The following GRIK1 variants were observed in gnomAD, a reference collection of about 807,000 sequenced individuals.
GRIK1 encodes the protein glutamate receptor ionotropic, kainate 1.
Under a neutral mutation model 105.7 loss-of-function variants are expected in GRIK1, and 69 were observed. The observed-to-expected ratio is 0.65, with a 90% CI of 0.54 to 0.80. GRIK1 has a LOEUF of 0.80. GRIK1 is among the 30% of genes least tolerant of loss of function. The pLI, the probability that GRIK1 is intolerant of heterozygous loss-of-function variation, is 0.00. For synonymous variants in GRIK1, 438 were observed against 431.3 expected, an observed-to-expected ratio of 1.02 and a Z score of -0.19; for missense variants, 1,109 against 1,167.3, an observed-to-expected ratio of 0.95 and a Z score of 0.73.
intron 4 of GRIK1, among the ~76,000 whole-genome samples, chr21:29,664,089 C>T (rs141700261): frequency 1.7e-3 from 253 of 152,154 alleles, no homozygotes; most frequent in African/African-American, 5.6e-3. Flanking sequence ...TTTCTAGTTA[C>T]CAAGAAAGGG....
intron 3 of GRIK1, among the ~76,000 whole-genome samples, chr21:29,682,933 CAAAA>C (rs147274210): frequency 6.6e-6 from 1 of 150,742 alleles, no homozygotes; most frequent in Non-Finnish European, 1.5e-5. Context: ...CATCAACAAA[CAAAA>C]AAAAACCAAA....
chr21:29,880,119 C>G (rs1039985867), intron 1 of GRIK1, among the ~76,000 whole-genome samples: 2 of 152,206 alleles, frequency 1.3e-5, no homozygotes, highest in South Asian at 2.1e-4. Flanking sequence ...AAACATAGCA[C>G]TAATTCACCT....
chr21:29,843,390 C>A (rs537225640), intron 1 of GRIK1, among the ~76,000 whole-genome samples: 6 of 152,176 alleles, frequency 3.9e-5, no homozygotes, highest in African/African-American at 1.4e-4. Flanking sequence ...GTAATTTTCT[C>A]AAAAAGTAGA....
intron 1 of GRIK1, among the ~76,000 whole-genome samples, chr21:29,883,499 T>A (rs1438226973): frequency 6.6e-6 from 1 of 151,950 alleles, no homozygotes; most frequent in Admixed American, 6.6e-5. Context: ...GCCTCTGAGG[T>A]CCCCTGTTTG....
At chr21:29,720,008 A>T (rs2064280679) in intron 1 of GRIK1, among the ~76,000 whole-genome samples, 1 of 152,256 alleles carries the variant, frequency 6.6e-6, no homozygotes, top group Non-Finnish European at 1.5e-5. Context: ...ACTTTTAAGT[A>T]GGAAAAGGAT....
intron 4 of GRIK1, among the ~76,000 whole-genome samples, chr21:29,666,413 A>G (rs2146619431): frequency 6.6e-6 from 1 of 152,294 alleles, no homozygotes; most frequent in East Asian, 1.9e-4. Context: ...CAAATAAAAT[A>G]ATAAATAAAT....
At chr21:29,834,072 C>T in intron 1 of GRIK1, among the ~76,000 whole-genome samples, 1 of 151,890 alleles carries the variant, frequency 6.6e-6, no homozygotes, top group Non-Finnish European at 1.5e-5. Context: ...ATAGTAAACT[C>T]TTAAGGTAGG....
At chr21:29,803,253 G>A (rs976418880) in intron 1 of GRIK1, among the ~76,000 whole-genome samples, 1 of 152,068 alleles carries the variant, frequency 6.6e-6, no homozygotes, top group Non-Finnish European at 1.5e-5. Context: ...TTTGTAAAAT[G>A]CAAAAAAAGC....
rs66697777 is a variant in GRIK1 at position 29,795,028 on chromosome 21, A to ATT, written c.119-100967_119-100966dup. 2.6e-3 allele frequency among the ~76,000 whole-genome samples: 225 copies of ATT among 85,202 alleles called. 2 individuals are homozygous for ATT. The highest frequency in any genetic ancestry group is 8.7e-3 in the African/African-American group (176 of 20,264). The allele number at this position is 85,202 out of a possible 152,430, so 55.9% of individuals were successfully genotyped here. ...CAAGCTTCCTGATGCTTTGCTCTAA[A>ATT]TTTTTTTTTTTTTTTTTTTTTTTTT... On this transcript the variant is annotated intron_variant, in intron 1 of 17. Coordinates refer to ENST00000327783, the MANE Select transcript of GRIK1 (RefSeq NM_001330994.2).
chr21:29,574,990 G>A (rs1228460435), intron 14 of GRIK1, among the ~76,000 whole-genome samples: 2 of 151,650 alleles, frequency 1.3e-5, no homozygotes, highest in Non-Finnish European at 2.9e-5. Context: ...CACCGCGCCC[G>A]GCCTAAATAA....
At chr21:29,661,532 G>A (rs1348203196) in intron 4 of GRIK1, among the ~76,000 whole-genome samples, 1 of 152,132 alleles carries the variant, frequency 6.6e-6, no homozygotes, top group Non-Finnish European at 1.5e-5. Flanking sequence ...GAATGAGGAC[G>A]GCCTCTGTGA....
chr21:29,603,535 G>T (rs2061558243), intron 7 of GRIK1, among the ~76,000 whole-genome samples: 1 of 152,132 alleles, frequency 6.6e-6, no homozygotes, highest in Non-Finnish European at 1.5e-5. Flanking sequence ...TATCAGCAAT[G>T]AATACAAGTA....
At chr21:29,632,558 CCT>C (rs557333656) in intron 7 of GRIK1, among the ~76,000 whole-genome samples, 243 of 152,012 alleles carry the variant, frequency 1.6e-3, no homozygotes, top group African/African-American at 5.7e-3. Flanking sequence ...ACATGTATAT[CCT>C]CACTTCCCTC....
chr21:29,767,864 ATGTGTGTG>A (rs60618188), intron 1 of GRIK1, among the ~76,000 whole-genome samples: 9,946 of 147,266 alleles, frequency 0.068, 379 homozygotes, highest in African/African-American at 0.098. Context: ...GCTGAAATTC[ATGTGTGTG>A]TGTGTGTGTG....
chr21:29,882,605 A>C (rs78605074), intron 1 of GRIK1, among the ~76,000 whole-genome samples: 2 of 152,242 alleles, frequency 1.3e-5, no homozygotes, highest in African/African-American at 4.8e-5. Context: ...TGTAGTTGGA[A>C]TATCATGCGC....
chr21:29,553,779 A>G, intron 16 of GRIK1: 1 of 1,027,294 alleles, frequency 9.7e-7, no homozygotes, highest in Non-Finnish European at 1.4e-6. Context: ...GTTTAAATGA[A>G]AATTTACATC....
intron 1 of GRIK1, among the ~76,000 whole-genome samples, chr21:29,777,810 G>GA (rs3831788): frequency 3.4e-3 from 517 of 151,596 alleles, no homozygotes; most frequent in African/African-American, 0.011. Context: ...CGAACAGAAA[G>GA]AAAAAAAAGA....
intron 7 of GRIK1, among the ~76,000 whole-genome samples, chr21:29,636,205 AG>A (rs2062395077): frequency 6.6e-6 from 1 of 152,142 alleles, no homozygotes. Flanking sequence ...AGTCTCAGAG[AG>A]GGGAGGTATT....
chr21:29,853,925 T>A (rs181041333), intron 1 of GRIK1, among the ~76,000 whole-genome samples: 10 of 152,282 alleles, frequency 6.6e-5, no homozygotes, highest in African/African-American at 2.4e-4. Context: ...GTAAGCAGCA[T>A]GGGTGGGTCA....
Sources: gnomAD v4.1 joint callset for allele counts (sites outside exome capture counted in the v4.1 genomes callset) on GRCh38, gnomAD v4.1.1 for gene constraint, MANE v1.5 for transcripts, NCBI Gene and HGNC (gene_info 2026-07-23, HGNC 2026-07-21) for gene names.